Variants in CEP19 observed in about 807,000 individuals in gnomAD.
The protein encoded by CEP19 is centrosomal protein of 19 kDa.
CEP19 carries 14 observed loss-of-function variants against 17.5 expected under a neutral mutation model. The observed-to-expected ratio is 0.80, with a 90% CI of 0.53 to 1.25. CEP19 has a LOEUF of 1.25. Among genes scored for constraint, CEP19 ranks in the 50% most tolerant of loss-of-function variants. The probability of loss-of-function intolerance (pLI) is 0.00; values close to 1 mark genes in which losing one functional copy is unlikely to be tolerated. For missense variants in CEP19, 193 were observed against 192.0 expected (o/e 1.01, Z -0.03); for synonymous variants, 59 against 65.5 (o/e 0.90, Z 0.48).
chr3:196,707,595 G>C lies in CEP19; in HGVS notation c.448C>G (p.Leu150Val). ...IEVEFPQDDQ[L>V]QSCGWDTESA... is the part of the protein sequence containing the mutation. Reference sequence around the variant, plus strand: ...TCTGTGTCCCAGCCACAGGACTGCAGTTGATCGTCCTGTGGAAATTCAACC... The same window carrying C: ...TCTGTGTCCCAGCCACAGGACTGCACTTGATCGTCCTGTGGAAATTCAACC... Residue 150 changes from leucine to valine, a missense_variant, in exon 3 of 3, where the codon CTG (leucine) becomes GTG (valine). Coordinates refer to ENST00000409690, the MANE Select transcript of CEP19 (RefSeq NM_032898.5). 6.2e-7 allele frequency: 1 copy of C among 1,613,202 alleles called. No homozygotes were observed. The highest frequency in any genetic ancestry group is 8.5e-7 in the Non-Finnish European group (1 of 1,179,800).
chr3:196,707,644 A>G lies in CEP19; in HGVS notation c.399T>C (p.Asp133=). ...LFEKNQKKKD[D]PNFVYDIEVE... ...CCTCAATGTCATAAACAAAATTTGGATCATCCTTCTTCTTCTGATTTTTCT... is the reference window on the plus strand; with the variant it reads ...CCTCAATGTCATAAACAAAATTTGGGTCATCCTTCTTCTTCTGATTTTTCT... Residue 133 remains aspartate (D), a synonymous_variant, in exon 3 of 3, where the codon GAT becomes GAC. Transcript: ENST00000409690. 1 of 1,614,028 alleles carries G rather than the reference A, an allele frequency of 6.2e-7. No individual in the cohort carries two copies. Among genetic ancestry groups the G allele is most frequent in the Non-Finnish European group, 8.5e-7 (1 of 1,180,002 alleles).
intron 1 of CEP19, 160 bp from the exon 2 acceptor site, chr3:196,708,887 G>A: frequency 5.8e-6 from 3 of 515,018 alleles, no homozygotes; most frequent in Non-Finnish European, 3.5e-6. Flanking sequence ...ATGAATTTGT[G>A]TGTCATCCTT....
At position 196,708,544 on chromosome 3, in the gene CEP19, GT is replaced by G. The variant is rs1711609701; in HGVS notation, c.113del (p.Asn38ThrfsTer15). Reference protein sequence around the residue: ...KIRQRIMPVRNFSKFSDCTRA... With the variant: ...KIRQRIMPVRXFSKFSDCTRA... The stretch of plus-strand genomic sequence containing the variant: ...ATGAGGTACCTGAAAACTTTGAAAA[GT>G]TTCGAACTGGCATAATGCGCTGGCG... On this transcript the variant is annotated frameshift_variant, in exon 2 of 3. Coordinates refer to ENST00000409690, the MANE Select transcript of CEP19 (RefSeq NM_032898.5). LOFTEE classifies it high-confidence loss of function. 6.2e-7 allele frequency: 1 copy of G among 1,614,118 alleles called. No individual in the cohort carries two copies. Among genetic ancestry groups the G allele is most frequent in the Non-Finnish European group, 8.5e-7 (1 of 1,180,004 alleles).
intron 1 of CEP19, among the ~76,000 whole-genome samples, chr3:196,709,634 T>C (rs1006499023): frequency 2.0e-5 from 3 of 152,250 alleles, no homozygotes; most frequent in African/African-American, 2.4e-5. Context: ...CTTCTTCATA[T>C]ACAATAGTCA....
chr3:196,706,978 A>G lies in CEP19; in HGVS notation c.*573T>C, dbSNP rs888360085. Reference sequence around the variant, plus strand: ...GGCACTAATGTTTGTGTTGCTTAATACTGCTAATTAGCTTTTCACAGGTTT... The same window carrying G: ...GGCACTAATGTTTGTGTTGCTTAATGCTGCTAATTAGCTTTTCACAGGTTT... On this transcript the variant is annotated 3_prime_UTR_variant, in exon 3 of 3. Coordinates refer to ENST00000409690, the MANE Select transcript of CEP19 (RefSeq NM_032898.5). 1 of 149,818 alleles carries G rather than the reference A, an allele frequency of 6.7e-6. No homozygotes were observed. Among genetic ancestry groups the G allele is most frequent in the Non-Finnish European group, 1.5e-5 (1 of 68,032 alleles). The allele number at this position is 149,818 out of a possible 1,614,324, so 9.3% of individuals were successfully genotyped here.
At chr3:196,710,658 C>T (rs542237284) in intron 1 of CEP19, among the ~76,000 whole-genome samples, 4 of 152,010 alleles carry the variant, frequency 2.6e-5, no homozygotes, top group Admixed American at 6.6e-5. Context: ...GGCAACACAG[C>T]GAGACCATGC....
Position 196,707,519 on chromosome 3 carries a change from G to A in CEP19, c.*32C>T. The A allele has an allele frequency of 1.3e-6, 2 of 1,565,906 alleles. No homozygotes were observed. The highest frequency in any genetic ancestry group is 1.7e-6 in the Non-Finnish European group (2 of 1,159,602). On this transcript the variant is annotated 3_prime_UTR_variant, in exon 3 of 3. Coordinates refer to ENST00000409690, the MANE Select transcript of CEP19 (RefSeq NM_032898.5). ...GTCTGGTAATAAACATGGATATTCT[G>A]CTAGCCCAATGCATGTTTTGAGTGT...
In CEP19 at chr3:196,707,795, C is replaced by G. The variant is rs756801863; in HGVS notation, c.248G>C (p.Gly83Ala). The part of the protein sequence containing the change: ...LFSFLRGYLS[G>A]QSLAETMEQI... ...TTCCATTGTTTCTGCCAGACTCTGC[C>G]CCGACAAGTAACCTCGTAAAAAACT... The change falls in exon 3 of 3, where the codon GGG (glycine) becomes GCG (alanine). Residue 83 changes from glycine (G) to alanine (A), a missense_variant. Gly to Ala is a moderately conservative substitution (Grantham distance 60). Transcript: ENST00000409690. The G allele has an allele frequency of 6.2e-7, 1 of 1,614,132 alleles. No homozygotes were observed. Among genetic ancestry groups the G allele is most frequent in the Non-Finnish European group, 8.5e-7 (1 of 1,180,026 alleles).
Position 196,708,716 on chromosome 3 carries a change from A to T in CEP19, c.-59T>A, listed in dbSNP as rs767732368. ...TCTGATGAATATGTGTAAGTTGCAT[A>T]ATGACTTCCTGCTAAAGGGAAAAAA... On this transcript the variant is annotated 5_prime_UTR_variant, in exon 2 of 3. Transcript: ENST00000409690. 1.3e-6 allele frequency: 2 copies of T among 1,568,772 alleles called. No homozygotes were observed. Among genetic ancestry groups the T allele is most frequent in the East Asian group, 4.6e-5 (2 of 43,694 alleles).
intron 2 of CEP19, 33 bp from the exon 3 acceptor site, chr3:196,707,945 C>T (rs150899895): frequency 1.5e-5 from 23 of 1,582,082 alleles, no homozygotes; most frequent in Middle Eastern, 1.7e-4. Context: ...ATACCACATA[C>T]GTACCACGTA....
chr3:196,707,867 T>C lies in CEP19; in HGVS notation c.176A>G (p.Lys59Arg). ...CAGGGATACTTGTTCTAGGTAACTC[T>C]TGTGTCGCGGATTATTCTTTAATTG... is the stretch of plus-strand genomic sequence containing the variant. ...AEQLKNNPRH[K>R]SYLEQVSLRQ... Residue 59 changes from lysine (K) to arginine (R), a missense_variant, in exon 3 of 3, where the codon AAG (lysine) becomes AGG (arginine). Lys to Arg is a conservative substitution (Grantham distance 26, BLOSUM62 2). Transcript: ENST00000409690. The C allele has an allele frequency of 6.2e-7, 1 of 1,613,594 alleles. No individual in the cohort carries two copies. The highest frequency in any genetic ancestry group is 8.5e-7 in the Non-Finnish European group (1 of 1,180,010).
chr3:196,709,130 T>G (rs1711649410), intron 1 of CEP19, among the ~76,000 whole-genome samples: 8 of 152,306 alleles, frequency 5.3e-5, no homozygotes, highest in Admixed American at 5.2e-4. Context: ...GCACTCTTAC[T>G]GAAGATCGAA....
Position 196,711,972 on chromosome 3 carries a change from T to C in CEP19, c.-114A>G, listed in dbSNP as rs749142576. 18 of 717,332 alleles carry C rather than the reference T, an allele frequency of 2.5e-5. No individual in the cohort carries two copies. In the African/African-American group the frequency reaches 3.0e-4, roughly 12 times the overall value. 44.4% of individuals were successfully genotyped at this position (717,332 alleles called of 1,614,324 possible). A position where few individuals can be genotyped will look rare whatever the true frequency, so the allele number is the denominator to read the frequency against. The stretch of plus-strand genomic sequence containing the variant: ...ATGACATCGTCTGCAGGCCAACGTC[T>C]AAACAACCAGGAGTGGGTTTTTCCA... On this transcript the variant is annotated 5_prime_UTR_variant, in exon 1 of 3. Coordinates refer to ENST00000409690, the MANE Select transcript of CEP19 (RefSeq NM_032898.5).
At position 196,708,509 on chromosome 3, in the gene CEP19, A is replaced by C; in HGVS notation, c.130+19T>G. 1.2e-6 allele frequency: 2 copies of C among 1,612,792 alleles called. No individual in the cohort carries two copies. Among genetic ancestry groups the C allele is most frequent in the Non-Finnish European group, 1.7e-6 (2 of 1,178,812 alleles). Reference sequence around the variant, plus strand: ...TTAGAGAATATTTAAGACAGGAGGCAAGATAAGACATGAGGTACCTGAAAA... The same window carrying C: ...TTAGAGAATATTTAAGACAGGAGGCCAGATAAGACATGAGGTACCTGAAAA... On this transcript the variant is annotated intron_variant, in intron 2 of 2. Coordinates refer to ENST00000409690, the MANE Select transcript of CEP19 (RefSeq NM_032898.5).
In CEP19 at chr3:196,707,793, G is replaced by A. The variant is rs1355114571; in HGVS notation, c.250C>T (p.Gln84Ter). Residue 84 changes from glutamine to a stop codon, truncating the protein, a stop_gained, in exon 3 of 3, where the codon CAG (glutamine) becomes TAG (stop). Coordinates refer to ENST00000409690, the MANE Select transcript of CEP19 (RefSeq NM_032898.5). LOFTEE classifies it high-confidence loss of function. ...TGTTCCATTGTTTCTGCCAGACTCT[G>A]CCCCGACAAGTAACCTCGTAAAAAA... ...FSFLRGYLSG[Q>*]SLAETMEQIQ... is the part of the protein sequence containing the mutation. 1 of 1,614,022 alleles carries A rather than the reference G, an allele frequency of 6.2e-7. No homozygotes were observed. Among genetic ancestry groups the A allele is most frequent in the Non-Finnish European group, 8.5e-7 (1 of 1,180,032 alleles).
In CEP19 at chr3:196,708,710, T is replaced by G. The variant is rs1391907190; in HGVS notation, c.-53A>C. On this transcript the variant is annotated 5_prime_UTR_variant, in exon 2 of 3. Coordinates refer to ENST00000409690, the MANE Select transcript of CEP19 (RefSeq NM_032898.5). Reference sequence around the variant, plus strand: ...AGGAAATCTGATGAATATGTGTAAGTTGCATAATGACTTCCTGCTAAAGGG... The same window carrying G: ...AGGAAATCTGATGAATATGTGTAAGGTGCATAATGACTTCCTGCTAAAGGG... The G allele has an allele frequency of 6.3e-7, 1 of 1,585,942 alleles. No individual in the cohort carries two copies. Among genetic ancestry groups the G allele is most frequent in the Non-Finnish European group, 8.6e-7 (1 of 1,159,810 alleles).
Position 196,707,434 on chromosome 3 carries a change from C to T in CEP19, c.*117G>A. On this transcript the variant is annotated 3_prime_UTR_variant, in exon 3 of 3. Coordinates refer to ENST00000409690, the MANE Select transcript of CEP19 (RefSeq NM_032898.5). ...TAAATGTCCTGGTTTTGAAAAGTAA[C>T]ATGGTCAATCCCCTATAACCCAACA... 1 of 1,137,482 alleles carries T rather than the reference C, an allele frequency of 8.8e-7. No homozygotes were observed. The highest frequency in any genetic ancestry group is 1.2e-6 in the Non-Finnish European group (1 of 804,984). 70.5% of individuals were successfully genotyped at this position (1,137,482 alleles called of 1,614,324 possible). A position where few individuals can be genotyped will look rare whatever the true frequency, so the allele number is the denominator to read the frequency against.
Position 196,711,932 on chromosome 3 carries a change from T to TA in CEP19, c.-75dup, listed in dbSNP as rs1265482373. ...AGTGCAAGGCTGGCTTTCTTACCCT[T>TA]AGAGGAATACAGAAATGACATCGTC... On this transcript the variant is annotated 5_prime_UTR_variant, in exon 1 of 3. An upstream open reading frame in the 5' UTR gains an earlier in-frame stop. Coordinates refer to ENST00000409690, the MANE Select transcript of CEP19 (RefSeq NM_032898.5). The TA allele has an allele frequency of 5.6e-6, 4 of 717,356 alleles. No individual in the cohort carries two copies. The highest frequency in any genetic ancestry group is 1.0e-5 in the Non-Finnish European group (4 of 385,062). 44.4% of individuals were successfully genotyped at this position (717,356 alleles called of 1,614,324 possible).
At chr3:196,708,113 GAGA>G (rs1711595591) in intron 2 of CEP19, among the ~76,000 whole-genome samples, 1 of 152,134 alleles carries the variant, frequency 6.6e-6, no homozygotes, top group African/African-American at 2.4e-5. Context: ...AGTGTGGTGG[GAGA>G]AGGACAGATA....
Sources: allele counts gnomAD v4.1 joint callset (sites outside exome capture counted in the v4.1 genomes callset), GRCh38; gene constraint gnomAD v4.1.1; transcripts MANE v1.5; gene names NCBI Gene and HGNC (gene_info 2026-07-23, HGNC 2026-07-21).